The following PLAG1 variants were observed in gnomAD, a reference collection of about 807,000 sequenced individuals.
PLAG1 encodes PLAG1 zinc finger, also known as zinc finger protein PLAG1.
In PLAG1, 7 loss-of-function variants were observed where a neutral mutation model predicts 35.5. The ratio of observed to expected loss-of-function variants is 0.20; its 90% CI spans 0.11 to 0.37. PLAG1 has a LOEUF of 0.37. PLAG1 is among the 10% of genes least tolerant of loss of function. The probability of loss-of-function intolerance (pLI) is 1.00; values close to 1 mark genes in which losing one functional copy is unlikely to be tolerated. For missense variants in PLAG1, 454 were observed against 602.8 expected, an observed-to-expected ratio of 0.75 and a Z score of 2.58; for synonymous variants, 229 against 225.4, an observed-to-expected ratio of 1.02 and a Z score of -0.14.
Position 56,190,826 on chromosome 8 carries a change from G to C in PLAG1, c.-321-11313C>G, listed in dbSNP as rs1337653671. 2.0e-5 allele frequency among the ~76,000 whole-genome samples: 3 copies of C among 152,108 alleles called. No individual in the cohort carries two copies. In the East Asian group the frequency reaches 5.8e-4, roughly 29 times the overall value. The stretch of plus-strand genomic sequence containing the variant: ...CAAACCAAAGACCATCAAGGCACAG[G>C]GGGAGGACACAGTAATTAATTTTGC... On this transcript the variant is annotated intron_variant, in intron 1 of 4. Transcript: ENST00000316981.
rs1811392105 is a variant in PLAG1, at chr8:56,167,372, T to G, written c.374A>C (p.Glu125Ala). 6.2e-7 allele frequency: 1 copy of G among 1,614,082 alleles called. No individual in the cohort carries two copies. The highest frequency in any genetic ancestry group is 1.7e-5 in the Admixed American group (1 of 59,996). The change falls in exon 5 of 5, where the codon GAA becomes GCA. Residue 125 changes from glutamate to alanine, a missense_variant. By Grantham distance (107) the Glu-to-Ala change is moderately radical. Transcript: ENST00000316981. This position sits in a 1 kb window ranked among gnomAD's most constrained non-coding sequence, Gnocchi z 5.9. The part of the protein sequence containing the change: ...DPNKETFKCE[E>A]CGKNYNTKLG... ...CTTGGTATTGTAGTTCTTGCCACATTCTTCGCACTTAAACGTCTCTTTGTT... is the reference window on the plus strand; with the variant it reads ...CTTGGTATTGTAGTTCTTGCCACATGCTTCGCACTTAAACGTCTCTTTGTT...
intron 2 of PLAG1, among the ~76,000 whole-genome samples, chr8:56,177,625 T>C (rs1811743618): frequency 6.6e-6 from 1 of 152,182 alleles, no homozygotes; most frequent in African/African-American, 2.4e-5. Context: ...GGGATACTAT[T>C]ATTCATCCTC....
intron 1 of PLAG1, among the ~76,000 whole-genome samples, chr8:56,203,110 C>T (rs569784649): frequency 1.3e-5 from 2 of 151,878 alleles, no homozygotes; most frequent in African/African-American, 2.4e-5. Context: ...GTAATTTTGA[C>T]CACATATTTG....
intron 1 of PLAG1, among the ~76,000 whole-genome samples, chr8:56,199,705 G>A (rs1352779889): frequency 3.3e-5 from 5 of 151,598 alleles, no homozygotes; most frequent in Non-Finnish European, 1.5e-5. Context: ...ACCCTTCCTG[G>A]CACTAGGCAG....
chr8:56,169,732 C>T (rs1337916852), intron 3 of PLAG1, among the ~76,000 whole-genome samples: 2 of 152,156 alleles, frequency 1.3e-5, no homozygotes, highest in Non-Finnish European at 2.9e-5. Context: ...TTTGTAGACA[C>T]AGGGTCTCAA....
At chr8:56,193,264 G>T (rs1812241168) in intron 1 of PLAG1, among the ~76,000 whole-genome samples, 1 of 152,210 alleles carries the variant, frequency 6.6e-6, no homozygotes, top group Non-Finnish European at 1.5e-5. Context: ...AACAAGACTG[G>T]CTGCTGAGGT....
intron 2 of PLAG1, among the ~76,000 whole-genome samples, chr8:56,177,033 T>C (rs1028583116): frequency 1.3e-5 from 2 of 152,204 alleles, no homozygotes; most frequent in Non-Finnish European, 2.9e-5. Context: ...TCAGACACTT[T>C]ATAAGAAAAG....
At chr8:56,210,239 G>A (rs1812831285) in intron 1 of PLAG1, among the ~76,000 whole-genome samples, 1 of 152,208 alleles carries the variant, frequency 6.6e-6, no homozygotes, top group African/African-American at 2.4e-5. Flanking sequence ...CCTTTAGCGA[G>A]AAAAGGGGGA....
chr8:56,202,955 T>TA (rs1474984118), intron 1 of PLAG1, among the ~76,000 whole-genome samples: 2 of 152,144 alleles, frequency 1.3e-5, no homozygotes, highest in African/African-American at 4.8e-5. Flanking sequence ...TAACTGTACT[T>TA]AAAAAATTGA....
chr8:56,163,429 C>G lies in PLAG1; in HGVS notation c.*2814G>C, dbSNP rs959427679. On this transcript the variant is annotated 3_prime_UTR_variant, in exon 5 of 5. Transcript: ENST00000316981. ...CATTGTGCAATTCAAATAAGCGAGT[C>G]TGCCTCATCTTTAATAGAAATTCTC... 5.0e-6 allele frequency: 1 copy of G among 199,028 alleles called. No individual in the cohort carries two copies. Among genetic ancestry groups the G allele is most frequent in the Admixed American group, 6.0e-5 (1 of 16,552 alleles). The allele number at this position is 199,028 out of a possible 1,614,324, so 12.3% of individuals were successfully genotyped here.
chr8:56,169,323 G>C (rs1811448305), intron 3 of PLAG1, among the ~76,000 whole-genome samples: 1 of 152,166 alleles, frequency 6.6e-6, no homozygotes, highest in South Asian at 2.1e-4. Flanking sequence ...AGGTGTGTCA[G>C]AGTTTCAATG....
rs941715224 is a variant in PLAG1 at position 56,163,564 on chromosome 8, T to C, written c.*2679A>G. Reference sequence around the variant, plus strand: ...CTGGGGGTGGGAACAGGCAAAGAGGTGTACACATGAAAATTAAGACTCCAA... The same window carrying C: ...CTGGGGGTGGGAACAGGCAAAGAGGCGTACACATGAAAATTAAGACTCCAA... On this transcript the variant is annotated 3_prime_UTR_variant, in exon 5 of 5. Coordinates refer to ENST00000316981, the MANE Select transcript of PLAG1 (RefSeq NM_002655.3). 6 of 199,418 alleles carry C rather than the reference T, an allele frequency of 3.0e-5. No homozygotes were observed. Among genetic ancestry groups the C allele is most frequent in the African/African-American group, 1.2e-4 (5 of 43,286 alleles). The allele number at this position is 199,418 out of a possible 1,614,324, so 12.4% of individuals were successfully genotyped here.
chr8:56,202,168 T>C (rs1176975119), intron 1 of PLAG1, among the ~76,000 whole-genome samples: 1 of 152,222 alleles, frequency 6.6e-6, no homozygotes, highest in Non-Finnish European at 1.5e-5. Context: ...TAAAATTTTC[T>C]GAATTTTATA....
intron 1 of PLAG1, among the ~76,000 whole-genome samples, chr8:56,194,289 C>G (rs1406009469): frequency 1.4e-5 from 2 of 147,256 alleles, no homozygotes; most frequent in African/African-American, 5.1e-5. Flanking sequence ...TGCACTGCAG[C>G]CTGGGTGAGA....
At chr8:56,189,840 C>G (rs1812131763) in intron 1 of PLAG1, among the ~76,000 whole-genome samples, 1 of 152,106 alleles carries the variant, frequency 6.6e-6, no homozygotes, top group Non-Finnish European at 1.5e-5. Flanking sequence ...AAAGGGCAGA[C>G]TAGGGTAGAA....
chr8:56,199,253 G>C (rs559440226), intron 1 of PLAG1, among the ~76,000 whole-genome samples: 6 of 152,340 alleles, frequency 3.9e-5, no homozygotes, highest in African/African-American at 1.4e-4. Flanking sequence ...AGCCAGAAAA[G>C]TCAGAGATGC....
chr8:56,173,417 G>T (rs1024502291), intron 2 of PLAG1, among the ~76,000 whole-genome samples: 1 of 151,926 alleles, frequency 6.6e-6, no homozygotes, highest in African/African-American at 2.4e-5. Context: ...TCTTTGGATT[G>T]ATATAATAAA....
chr8:56,173,101 ATCTT>A (rs758259074), intron 2 of PLAG1, among the ~76,000 whole-genome samples: 1 of 152,146 alleles, frequency 6.6e-6, no homozygotes, highest in Non-Finnish European at 1.5e-5. Context: ...CATTCATAAA[ATCTT>A]TATTTATGCT....
At chr8:56,176,791 T>C (rs544856518) in intron 2 of PLAG1, among the ~76,000 whole-genome samples, 2 of 152,142 alleles carry the variant, frequency 1.3e-5, no homozygotes, top group Admixed American at 6.5e-5. Flanking sequence ...GTTATTGATC[T>C]TATTACCAGT....
Sources: gnomAD v4.1 joint callset for allele counts (sites outside exome capture counted in the v4.1 genomes callset) on GRCh38, gnomAD v4.1.1 for gene constraint, Gnocchi (gnomAD v3.1) non-coding constraint, MANE v1.5 for transcripts, NCBI Gene and HGNC (gene_info 2026-07-23, HGNC 2026-07-21) for gene names.